Variants in MAPK14 observed in about 807,000 individuals in gnomAD.
MAPK14 encodes mitogen-activated protein kinase 14.
Under a neutral mutation model 49.6 loss-of-function variants are expected in MAPK14, and 16 were observed. The ratio of observed to expected loss-of-function variants is 0.32; its 90% confidence interval spans 0.22 to 0.49. The LOEUF (loss-of-function observed/expected upper bound fraction) is 0.49, where lower values mean the gene tolerates loss of function less well. Among genes scored for constraint, MAPK14 ranks in the 20% least tolerant of loss-of-function variants. The probability of loss-of-function intolerance (pLI) is 0.99; values close to 1 mark genes in which losing one functional copy is unlikely to be tolerated. For missense variants in MAPK14, 200 were observed against 441.2 expected, an observed-to-expected ratio of 0.45 and a Z score of 4.90; for synonymous variants, 142 against 158.0, an observed-to-expected ratio of 0.90 and a Z score of 0.76.
intron 1 of MAPK14, among the ~76,000 whole-genome samples, chr6:36,037,321 T>C (rs1762791376): frequency 6.6e-6 from 1 of 152,134 alleles, no homozygotes; most frequent in African/African-American, 2.4e-5. Context: ...TAATTTATTA[T>C]AGGGAAGAAG....
chr6:36,084,809 C>T (rs1342571285), intron 8 of MAPK14, among the ~76,000 whole-genome samples: 2 of 152,166 alleles, frequency 1.3e-5, no homozygotes, highest in Non-Finnish European at 2.9e-5. Flanking sequence ...GCATTCAAAT[C>T]AGGAAATCCC....
intron 10 of MAPK14, among the ~76,000 whole-genome samples, chr6:36,104,427 G>A (rs759160190): frequency 2.7e-4 from 41 of 151,692 alleles, no homozygotes; most frequent in African/African-American, 5.8e-4. Context: ...TCGCTCTGTC[G>A]TCCAGGTTGG....
downstream of MAPK14, among the ~76,000 whole-genome samples, chr6:36,112,712 G>T (rs1268302347): frequency 6.6e-6 from 1 of 152,076 alleles, no homozygotes; most frequent in Non-Finnish European, 1.5e-5. Flanking sequence ...ATTGTTAACT[G>T]GTCTGAGTCT....
chr6:36,062,600 T>C (rs1285203136), intron 3 of MAPK14, among the ~76,000 whole-genome samples: 1 of 152,026 alleles, frequency 6.6e-6, no homozygotes, highest in Non-Finnish European at 1.5e-5. Flanking sequence ...TTTTAAATGC[T>C]AATTAGCAAA....
chr6:36,054,561 G>A (rs1360444953), intron 2 of MAPK14, among the ~76,000 whole-genome samples: 1 of 152,174 alleles, frequency 6.6e-6, no homozygotes, highest in East Asian at 1.9e-4. Flanking sequence ...TCAGTGATTT[G>A]TTATTTAAAC....
intron 1 of MAPK14, among the ~76,000 whole-genome samples, chr6:36,049,919 G>C (rs555551638): frequency 7.4e-4 from 113 of 152,266 alleles, no homozygotes; most frequent in African/African-American, 2.7e-3. Flanking sequence ...CTAAGCAAAT[G>C]GAGCTCCCCT....
intron 3 of MAPK14, among the ~76,000 whole-genome samples, chr6:36,072,030 T>C (rs1764298464): frequency 2.0e-5 from 3 of 151,994 alleles, no homozygotes; most frequent in Admixed American, 2.0e-4. Context: ...ATATGTCAAG[T>C]AGGAATAAGT....
chr6:36,113,599 G>A (rs1467922978), downstream of MAPK14, among the ~76,000 whole-genome samples: 2 of 152,156 alleles, frequency 1.3e-5, no homozygotes, highest in Admixed American at 6.5e-5. Flanking sequence ...GATAGGTAAT[G>A]CCTGGCTAGG....
chr6:36,068,903 G>A (rs1466790742), intron 3 of MAPK14, among the ~76,000 whole-genome samples: 2 of 152,094 alleles, frequency 1.3e-5, no homozygotes, highest in South Asian at 4.2e-4. Context: ...AATGTGATTT[G>A]TGCTCTCTAT....
chr6:36,075,179 T>G (rs1001127456), intron 6 of MAPK14, among the ~76,000 whole-genome samples: 16 of 131,568 alleles, frequency 1.2e-4, no homozygotes, highest in African/African-American at 4.5e-4. Context: ...TGCGCCGAGA[T>G]AGTGCCACTG....
At chr6:36,093,962 A>C (rs1765349763) in intron 8 of MAPK14, among the ~76,000 whole-genome samples, 2 of 152,116 alleles carry the variant, frequency 1.3e-5, no homozygotes, top group Non-Finnish European at 2.9e-5. Context: ...GAGGAAACTA[A>C]ATTTTTTGAA....
intron 3 of MAPK14, among the ~76,000 whole-genome samples, chr6:36,061,329 A>G (rs1481482517): frequency 1.3e-5 from 2 of 152,164 alleles, no homozygotes; most frequent in African/African-American, 2.4e-5. Context: ...TTCCTATGTG[A>G]AAAGACCTTA....
At chr6:36,056,737 A>G (rs185585228) in intron 2 of MAPK14, among the ~76,000 whole-genome samples, 2 of 152,384 alleles carry the variant, frequency 1.3e-5, no homozygotes, top group Non-Finnish European at 2.9e-5. Flanking sequence ...CTGTAAAACA[A>G]TGTAAATAGT....
chr6:36,042,735 C>T (rs1763014754), intron 1 of MAPK14, among the ~76,000 whole-genome samples: 1 of 151,688 alleles, frequency 6.6e-6, no homozygotes, highest in Non-Finnish European at 1.5e-5. Context: ...CTCCTGAGCT[C>T]AAGCTTCCTC....
At chr6:36,053,865 G>T (rs901670805) in intron 2 of MAPK14, among the ~76,000 whole-genome samples, 1 of 152,062 alleles carries the variant, frequency 6.6e-6, no homozygotes, top group Non-Finnish European at 1.5e-5. Context: ...ATTGGATTAT[G>T]GATGCCATTA....
intron 1 of MAPK14, among the ~76,000 whole-genome samples, chr6:36,046,801 A>G (rs1763195773): frequency 6.6e-6 from 1 of 152,248 alleles, no homozygotes; most frequent in Non-Finnish European, 1.5e-5. Flanking sequence ...TGGCATGCAG[A>G]GTGCCTTGGG....
rs186447469 is a variant in MAPK14, at chr6:36,063,400, C to A, written c.305+4053C>A. ...CCCAAGAGCTGGAGACCAGCCTGAG[C>A]AACATAGGGAAACCCCTTCTCTACA... On this transcript the variant is annotated intron_variant, in intron 3 of 11. Transcript: ENST00000229794. Among the ~76,000 whole-genome samples the A allele has an allele frequency of 9.2e-4, 140 of 152,252 alleles. 2 individuals carry two copies. Among genetic ancestry groups the A allele is most frequent in the South Asian group, 4.8e-3 (23 of 4,820 alleles).
At chr6:36,101,663 G>A (rs555975839) in intron 9 of MAPK14, among the ~76,000 whole-genome samples, 164 of 152,012 alleles carry the variant, frequency 1.1e-3, no homozygotes, top group African/African-American at 3.6e-3. Context: ...ACAGGCATGC[G>A]TCACCACACC....
At chr6:36,102,428 G>T in intron 9 of MAPK14, 143 bp from the exon 10 acceptor site, 1 of 557,144 alleles carries the variant, frequency 1.8e-6, no homozygotes, top group Non-Finnish European at 3.2e-6. Context: ...CAGTAAGGGA[G>T]AAGTTCTATC....
Sources: allele counts gnomAD v4.1 joint callset (sites outside exome capture counted in the v4.1 genomes callset), GRCh38; gene constraint gnomAD v4.1.1; transcripts MANE v1.5; gene names NCBI Gene and HGNC (gene_info 2026-07-23, HGNC 2026-07-21).